Variants in ATP5F1C observed in about 807,000 individuals in gnomAD.
The protein encoded by ATP5F1C is ATP synthase F1 subunit gamma, also known as ATP synthase F(1) complex subunit gamma, mitochondrial.
In ATP5F1C, 22 loss-of-function variants were observed where a neutral mutation model predicts 37.4. That is an observed-to-expected ratio of 0.59 (90% CI 0.42 to 0.84). ATP5F1C has a LOEUF of 0.84. ATP5F1C is among the 40% of genes least tolerant of loss of function. The probability of loss-of-function intolerance (pLI) is 0.00; values close to 1 mark genes in which losing one functional copy is unlikely to be tolerated. For synonymous variants in ATP5F1C, 121 were observed against 128.0 expected, an observed-to-expected ratio of 0.95 and a Z score of 0.37; for missense variants, 286 against 362.4, an observed-to-expected ratio of 0.79 and a Z score of 1.71.
At chr10:7,800,322 A>G (rs1211335096) in intron 6 of ATP5F1C, among the ~76,000 whole-genome samples, 1 of 151,928 alleles carries the variant, frequency 6.6e-6, no homozygotes, top group Non-Finnish European at 1.5e-5. Flanking sequence ...CAGCCTCCCT[A>G]GTACCTGGGA....
At position 7,798,970 on chromosome 10, in the gene ATP5F1C, T is replaced by A; in HGVS notation, c.224-20T>A. On this transcript the variant is annotated intron_variant, in intron 3 of 9. Coordinates refer to ENST00000356708, the MANE Select transcript of ATP5F1C (RefSeq NM_001001973.3). ...AGTGTATTGCATATAAAAAAATTAC[T>A]GCTTTTGTTTGTTTTTAAGCTCTGT... 6.2e-7 allele frequency: 1 copy of A among 1,605,532 alleles called. No homozygotes were observed. The highest frequency in any genetic ancestry group is 8.5e-7 in the Non-Finnish European group (1 of 1,175,922).
chr10:7,800,068 C>T lies in ATP5F1C; in HGVS notation c.614C>T (p.Ser205Phe), dbSNP rs776452295. ...AAGACAGAAGAAAAGCCCATCTTTT[C>T]CCTTAATACCGTTGCAAGTGCTGGT... ...SYKTEEKPIF[S>F]LNTVASADSM... Residue 205 changes from serine (S) to phenylalanine (F), a missense_variant, in exon 6 of 10, where the codon TCC becomes TTC. Transcript: ENST00000356708. 5 of 1,613,906 alleles carry T rather than the reference C, an allele frequency of 3.1e-6. No homozygotes were observed. The Admixed American group carries it at 6.7e-5, about 22-fold the overall frequency.
At chr10:7,805,513 A>C (rs531257253) in intron 8 of ATP5F1C, among the ~76,000 whole-genome samples, 20 of 152,142 alleles carry the variant, frequency 1.3e-4, no homozygotes, top group African/African-American at 4.6e-4. Context: ...TTTGGGAGGC[A>C]GAGGTGGGCG....
intron 1 of ATP5F1C, among the ~76,000 whole-genome samples, chr10:7,794,570 G>A (rs1353783930): frequency 6.6e-6 from 1 of 151,498 alleles, no homozygotes; most frequent in African/African-American, 2.4e-5. Context: ...TTCATGACTG[G>A]GTGTTAGATT....
intron 1 of ATP5F1C, among the ~76,000 whole-genome samples, chr10:7,793,890 T>C (rs114465005): frequency 3.5e-4 from 53 of 152,402 alleles, no homozygotes; most frequent in African/African-American, 1.2e-3. Context: ...TATCCTTTTT[T>C]CCTTGAATTG....
chr10:7,791,006 A>C (rs1836154190), intron 1 of ATP5F1C, among the ~76,000 whole-genome samples: 1 of 152,186 alleles, frequency 6.6e-6, no homozygotes, highest in Non-Finnish European at 1.5e-5. Flanking sequence ...AAAGAGGAAA[A>C]GAAGATGCAG....
intron 1 of ATP5F1C, among the ~76,000 whole-genome samples, chr10:7,790,888 G>A (rs2778475): frequency 0.3 from 46,000 of 152,136 alleles, 7,055 homozygotes; most frequent in Admixed American, 0.39. Flanking sequence ...GGACAATGGG[G>A]GAAATGCTGA....
chr10:7,790,638 A>T (rs1836147747), intron 1 of ATP5F1C, among the ~76,000 whole-genome samples: 1 of 152,224 alleles, frequency 6.6e-6, no homozygotes, highest in Non-Finnish European at 1.5e-5. Context: ...TTACTAATAA[A>T]TGTAAAAAAT....
chr10:7,795,220 T>C (rs1034119787), intron 1 of ATP5F1C, among the ~76,000 whole-genome samples: 1 of 152,228 alleles, frequency 6.6e-6, no homozygotes, highest in African/African-American at 2.4e-5. Flanking sequence ...TCTCACTCTT[T>C]CCTGATCATG....
intron 6 of ATP5F1C, chr10:7,801,624 T>C (rs1836367510): frequency 6.6e-6 from 1 of 152,278 alleles, no homozygotes; most frequent in South Asian, 2.1e-4. Flanking sequence ...GATTTCAGAA[T>C]ATTTTCATAT....
intron 4 of ATP5F1C, 129 bp downstream of exon 4, chr10:7,799,323 T>C (rs1392224745): frequency 2.5e-6 from 2 of 790,688 alleles, no homozygotes; most frequent in East Asian, 5.4e-5. Flanking sequence ...TTTTTTGGTA[T>C]ATTCACAAGG....
chr10:7,790,668 TA>T (rs1319200913), intron 1 of ATP5F1C, among the ~76,000 whole-genome samples: 3 of 152,192 alleles, frequency 2.0e-5, no homozygotes, highest in African/African-American at 7.2e-5. Flanking sequence ...CAGAGTGTAG[TA>T]CTGTATGAAG....
chr10:7,794,338 C>T (rs1257710451), intron 1 of ATP5F1C, among the ~76,000 whole-genome samples: 1 of 152,050 alleles, frequency 6.6e-6, no homozygotes, highest in African/African-American at 2.4e-5. Context: ...TTATTCCTTC[C>T]CTTCAAATTT....
intron 1 of ATP5F1C, among the ~76,000 whole-genome samples, chr10:7,789,401 T>G (rs1229332050): frequency 6.6e-6 from 1 of 152,222 alleles, no homozygotes; most frequent in Non-Finnish European, 1.5e-5. Context: ...TGATGTGAAT[T>G]AGCCACATAA....
At chr10:7,798,169 C>G (rs1564332215) in intron 3 of ATP5F1C, among the ~76,000 whole-genome samples, 3 of 152,080 alleles carry the variant, frequency 2.0e-5, no homozygotes, top group African/African-American at 7.2e-5. Flanking sequence ...CTCAGTATCT[C>G]AACTGACAGC....
intron 9 of ATP5F1C, 80 bp from the exon 10 acceptor site, chr10:7,807,579 A>G (rs1836507695): frequency 2.7e-6 from 4 of 1,472,714 alleles, no homozygotes; most frequent in East Asian, 4.6e-5. Flanking sequence ...CCCCACTTAA[A>G]TATGTATTAT....
At chr10:7,792,536 C>T (rs1256809441) in intron 1 of ATP5F1C, among the ~76,000 whole-genome samples, 1 of 152,216 alleles carries the variant, frequency 6.6e-6, no homozygotes, top group African/African-American at 2.4e-5. Context: ...AAAACCCTGA[C>T]AACCACTTCT....
chr10:7,793,853 C>G (rs1180259652), intron 1 of ATP5F1C, among the ~76,000 whole-genome samples: 4 of 152,118 alleles, frequency 2.6e-5, no homozygotes, highest in Admixed American at 2.6e-4. Context: ...TCCAGTTGTT[C>G]CAGTGCCATT....
chr10:7,795,303 A>G (rs1260907566), intron 1 of ATP5F1C, among the ~76,000 whole-genome samples: 1 of 152,066 alleles, frequency 6.6e-6, no homozygotes, highest in Non-Finnish European at 1.5e-5. Flanking sequence ...ACATTTCATC[A>G]TGCTCAGTTC....
Sources: allele counts gnomAD v4.1 joint callset (sites outside exome capture counted in the v4.1 genomes callset), GRCh38; gene constraint gnomAD v4.1.1; transcripts MANE v1.5; gene names NCBI Gene and HGNC (gene_info 2026-07-23, HGNC 2026-07-21).